Variants in SLC2A14 observed in about 807,000 individuals in gnomAD.
The protein encoded by SLC2A14 is solute carrier family 2 member 14.
A neutral mutation model predicts 43.0 loss-of-function variants in SLC2A14; 13 were observed. That is an observed-to-expected ratio of 0.30 (90% CI 0.20 to 0.48). SLC2A14 has a LOEUF of 0.48. Among genes scored for constraint, SLC2A14 ranks in the 20% least tolerant of loss-of-function variants. The probability of loss-of-function intolerance (pLI) is 0.99; values close to 1 mark genes in which losing one functional copy is unlikely to be tolerated. For synonymous variants in SLC2A14, 190 were observed against 233.8 expected (o/e 0.81, Z 1.71); for missense variants, 428 against 620.4 (o/e 0.69, Z 3.29).
intron 1 of SLC2A14, among the ~76,000 whole-genome samples, chr12:7,882,207 G>A (rs374286320): frequency 2.0e-5 from 3 of 151,948 alleles, no homozygotes; most frequent in African/African-American, 7.3e-5. Context: ...TTTGAAGCCG[G>A]TAAGACCAGA....
At chr12:7,819,022 A>G (rs1202980454) in intron 9 of SLC2A14, among the ~76,000 whole-genome samples, 2 of 152,180 alleles carry the variant, frequency 1.3e-5, no homozygotes, top group African/African-American at 4.8e-5. Context: ...GTTCGAGACC[A>G]GTCTGACCAA....
chr12:7,885,476 G>T (rs1945672524), intron 1 of SLC2A14, among the ~76,000 whole-genome samples: 1 of 151,658 alleles, frequency 6.6e-6, no homozygotes, highest in African/African-American at 2.4e-5. Context: ...AAAAAAAAAA[G>T]TTCTTGTAAC....
intron 7 of SLC2A14, among the ~76,000 whole-genome samples, chr12:7,826,451 A>G (rs1864363558): frequency 6.6e-6 from 1 of 152,180 alleles, no homozygotes; most frequent in Admixed American, 6.6e-5. Flanking sequence ...GAAAAGGCCA[A>G]GAACCAACTT....
chr12:7,822,668 CAAA>C (rs56052601), intron 7 of SLC2A14, among the ~76,000 whole-genome samples: 4 of 119,204 alleles, frequency 3.4e-5, no homozygotes, highest in Non-Finnish European at 7.2e-5. Context: ...GACTCCATCT[CAAA>C]AAAAAAAAAA....
rs7297809 is a variant in SLC2A14 at position 7,891,092 on chromosome 12, G to A, written c.36C>T (p.Leu12=). Residue 12 remains leucine (L), a synonymous_variant, in exon 1 of 10, where the codon CTC becomes CTT. Transcript: ENST00000539924. ...TTTCATCTCCTTGTTTCACACCCAG[G>A]AGTACTTCTACTCTCAACAGTTGGA... 9.6e-5 allele frequency: 148 copies of A among 1,534,740 alleles called. 2 individuals carry two copies. In the African/African-American group the frequency reaches 1.5e-3, roughly 16 times the overall value.
intron 1 of SLC2A14, among the ~76,000 whole-genome samples, chr12:7,884,004 A>G (rs1945643791): frequency 6.8e-6 from 1 of 146,508 alleles, no homozygotes. Flanking sequence ...GCTCACTGCA[A>G]GCTCTGCTTC....
chr12:7,862,875 G>A (rs979943147), intron 2 of SLC2A14, among the ~76,000 whole-genome samples: 3 of 152,010 alleles, frequency 2.0e-5, no homozygotes, highest in African/African-American at 4.8e-5. Context: ...TGATGGGCAC[G>A]TGGAGAACAT....
intron 2 of SLC2A14, among the ~76,000 whole-genome samples, chr12:7,844,032 G>A (rs142383806): frequency 0.012 from 1,819 of 152,054 alleles, 45 homozygotes; most frequent in African/African-American, 0.042. Flanking sequence ...GCACTAATCT[G>A]GAGTTTACAG....
chr12:7,889,491 C>A (rs1248499049), intron 1 of SLC2A14, among the ~76,000 whole-genome samples: 1 of 151,416 alleles, frequency 6.6e-6, no homozygotes, highest in African/African-American at 2.4e-5. Flanking sequence ...CCTCGGCCTC[C>A]CAAAGTGCTG....
At chr12:7,865,937 C>T (rs374618835) in intron 2 of SLC2A14, among the ~76,000 whole-genome samples, 1 of 152,182 alleles carries the variant, frequency 6.6e-6, no homozygotes, top group South Asian at 2.1e-4. Context: ...GTGACAGGGG[C>T]CGGGCATGGT....
At chr12:7,858,081 C>T (rs772569678) in intron 2 of SLC2A14, among the ~76,000 whole-genome samples, 1 of 151,986 alleles carries the variant, frequency 6.6e-6, no homozygotes, top group Non-Finnish European at 1.5e-5. Context: ...TGGAATGAGC[C>T]GAGATCGTGC....
At chr12:7,890,955 G>T (rs1462788538) in intron 1 of SLC2A14, 1 of 1,512,146 alleles carries the variant, frequency 6.6e-7, no homozygotes, top group African/African-American at 1.4e-5. Context: ...CCTCGACATG[G>T]ACTACCTGCC....
chr12:7,849,958 G>A (rs1280211119), intron 2 of SLC2A14, among the ~76,000 whole-genome samples: 2 of 150,028 alleles, frequency 1.3e-5, no homozygotes, highest in South Asian at 2.1e-4. Flanking sequence ...TCTGCTGTAC[G>A]ATGCAGGGAA....
intron 1 of SLC2A14, among the ~76,000 whole-genome samples, chr12:7,883,519 G>A (rs148352122): frequency 0.024 from 3,620 of 150,042 alleles, 134 homozygotes; most frequent in African/African-American, 0.073. Context: ...GCCTGCCTCG[G>A]CCTCCCAAAG....
intron 2 of SLC2A14, among the ~76,000 whole-genome samples, chr12:7,853,127 T>A (rs1438806353): frequency 6.6e-6 from 1 of 152,046 alleles, no homozygotes; most frequent in African/African-American, 2.4e-5. Context: ...GTAGGAACAC[T>A]GACACACTAA....
intron 2 of SLC2A14, among the ~76,000 whole-genome samples, chr12:7,833,845 G>C (rs1437866048): frequency 6.6e-6 from 1 of 151,276 alleles, no homozygotes; most frequent in Non-Finnish European, 1.5e-5. Flanking sequence ...TCTTCACCTT[G>C]CCTGGAATAA....
upstream of SLC2A14, chr12:7,873,329 C>G: frequency 1.0e-6 from 1 of 985,324 alleles, no homozygotes; most frequent in Non-Finnish European, 1.2e-6. Context: ...CTGGGAAGGC[C>G]CAGGGCGAGA....
At chr12:7,818,371 G>GT (rs1863655743) in intron 9 of SLC2A14, among the ~76,000 whole-genome samples, 1 of 152,010 alleles carries the variant, frequency 6.6e-6, no homozygotes, top group Non-Finnish European at 1.5e-5. Flanking sequence ...GGTTTTCGTT[G>GT]TTTTTTTGGC....
At chr12:7,866,400 G>A (rs144301190) in intron 2 of SLC2A14, among the ~76,000 whole-genome samples, 14 of 151,706 alleles carry the variant, frequency 9.2e-5, no homozygotes, top group African/African-American at 3.1e-4. Flanking sequence ...TTGCTCTGTC[G>A]CCTAGGCTGG....
Sources: allele counts gnomAD v4.1 joint callset (sites outside exome capture counted in the v4.1 genomes callset), GRCh38; gene constraint gnomAD v4.1.1; transcripts MANE v1.5; gene names NCBI Gene and HGNC (gene_info 2026-07-23, HGNC 2026-07-21).